The following ZNF385B variants were observed in gnomAD, a reference collection of about 807,000 sequenced individuals.
ZNF385B encodes the protein zinc finger protein 385B.
Under a neutral mutation model 39.2 loss-of-function variants are expected in ZNF385B, and 23 were observed. The observed-to-expected ratio is 0.59, with a 90% confidence interval of 0.42 to 0.83. The LOEUF (loss-of-function observed/expected upper bound fraction) is 0.83, where lower values mean the gene tolerates loss of function less well. Ranked by LOEUF, ZNF385B falls within the 40% of genes least tolerant of loss-of-function variation. ZNF385B has a pLI of 0.00. For synonymous variants in ZNF385B, 205 were observed against 222.6 expected (o/e 0.92, Z 0.70); for missense variants, 552 against 598.9 (o/e 0.92, Z 0.82).
At chr2:179,664,525 T>C (rs1174139304) in intron 3 of ZNF385B, among the ~76,000 whole-genome samples, 1 of 152,014 alleles carries the variant, frequency 6.6e-6, no homozygotes, top group African/African-American at 2.4e-5. Context: ...AGTCTGAAAA[T>C]CCAGAAGAGA....
chr2:179,722,250 A>C (rs1208893604), intron 3 of ZNF385B, among the ~76,000 whole-genome samples: 3 of 152,126 alleles, frequency 2.0e-5, no homozygotes, highest in Non-Finnish European at 4.4e-5. Context: ...AGATAAAAAG[A>C]CTCAACATTT....
At position 179,495,728 on chromosome 2, in the gene ZNF385B, T is replaced by C. The variant is rs1015784361; in HGVS notation, c.553-12294A>G. 3.3e-5 allele frequency among the ~76,000 whole-genome samples: 5 copies of C among 152,146 alleles called. No homozygotes were observed. In the South Asian group the frequency reaches 1.0e-3, roughly 32 times the overall value. Reference sequence around the variant, plus strand: ...TCTCTGCTTGGTAATCCAGAGAATCTTCCCAGATCCTGTCCAAGACCATCA... The same window carrying C: ...TCTCTGCTTGGTAATCCAGAGAATCCTCCCAGATCCTGTCCAAGACCATCA... On this transcript the variant is annotated intron_variant, in intron 5 of 9. Coordinates refer to ENST00000410066, the MANE Select transcript of ZNF385B (RefSeq NM_152520.6).
chr2:179,496,442 C>T (rs889916011), intron 5 of ZNF385B, among the ~76,000 whole-genome samples: 1 of 152,096 alleles, frequency 6.6e-6, no homozygotes, highest in Admixed American at 6.5e-5. Flanking sequence ...GACATAATAG[C>T]AGAGAACTTC....
intron 1 of ZNF385B, among the ~76,000 whole-genome samples, chr2:179,815,003 TCATTC>T (rs1413963750): frequency 6.6e-6 from 1 of 152,258 alleles, no homozygotes; most frequent in Non-Finnish European, 1.5e-5. Flanking sequence ...TCTTCATTCT[TCATTC>T]CCTTATTTCT....
chr2:179,764,733 T>C (rs1703592372), intron 3 of ZNF385B, among the ~76,000 whole-genome samples: 1 of 152,230 alleles, frequency 6.6e-6, no homozygotes, highest in African/African-American at 2.4e-5. Flanking sequence ...CATCAGATGA[T>C]TATATTTTGT....
At chr2:179,667,884 C>CACT (rs910618026) in intron 3 of ZNF385B, among the ~76,000 whole-genome samples, 14 of 152,286 alleles carry the variant, frequency 9.2e-5, no homozygotes, top group Admixed American at 9.2e-4. Context: ...CAGCTACAAT[C>CACT]ACTGACCTTA....
chr2:179,716,115 T>C, intron 3 of ZNF385B, among the ~76,000 whole-genome samples: 1 of 152,204 alleles, frequency 6.6e-6, no homozygotes, highest in East Asian at 1.9e-4. Context: ...TTCTTGCTTT[T>C]GAGGAGTTGC....
chr2:179,493,493 G>GTGTGTACATATATGCGTATACATA (rs1553571606), intron 5 of ZNF385B, among the ~76,000 whole-genome samples: 37,007 of 149,062 alleles, frequency 0.25, 5,084 homozygotes, highest in East Asian at 0.37. Flanking sequence ...ATGTATAAAC[G>GTGTGTACATATATGCGTATACATA]TGTGTGTACA....
chr2:179,548,568 A>G (rs1220322737), intron 3 of ZNF385B, among the ~76,000 whole-genome samples: 1 of 149,466 alleles, frequency 6.7e-6, no homozygotes, highest in Non-Finnish European at 1.5e-5. Context: ...AATACCTGAG[A>G]CTGTGTAATT....
intron 3 of ZNF385B, among the ~76,000 whole-genome samples, chr2:179,623,163 A>G (rs1690361156): frequency 6.6e-6 from 1 of 152,188 alleles, no homozygotes; most frequent in Admixed American, 6.5e-5. Flanking sequence ...ACAGAAAATC[A>G]AGATTCACTG....
intron 3 of ZNF385B, among the ~76,000 whole-genome samples, chr2:179,628,849 C>T (rs1476266772): frequency 5.3e-5 from 8 of 152,098 alleles, no homozygotes; most frequent in Non-Finnish European, 7.4e-5. Context: ...TGTACAGGAA[C>T]GACAGCATAA....
rs72957957 is a variant in ZNF385B at position 179,565,872 on chromosome 2, C to G, written c.299-20903G>C. On this transcript the variant is annotated intron_variant, in intron 3 of 9. Transcript: ENST00000410066. ...CACATCTCCATTACAGTACTTAAGA[C>G]TGTTGATAACCTGCAATGCATTTTA... 2.2e-3 allele frequency among the ~76,000 whole-genome samples: 334 copies of G among 152,334 alleles called. 1 individual carries two copies. Among genetic ancestry groups the G allele is most frequent in the Non-Finnish European group, 3.9e-3 (262 of 68,038 alleles).
chr2:179,497,275 G>C lies in ZNF385B; in HGVS notation c.553-13841C>G, dbSNP rs556175325. Among the ~76,000 whole-genome samples the C allele has an allele frequency of 2.0e-5, 3 of 152,210 alleles. No homozygotes were observed. In the South Asian group the frequency reaches 6.2e-4, roughly 32 times the overall value. Reference sequence around the variant, plus strand: ...AGAATAAGATAACACTGTAACTGTGGTATGTAAACTACTCTTAGCCTAAGT... The same window carrying C: ...AGAATAAGATAACACTGTAACTGTGCTATGTAAACTACTCTTAGCCTAAGT... On this transcript the variant is annotated intron_variant, in intron 5 of 9. Transcript: ENST00000410066.
intron 3 of ZNF385B, among the ~76,000 whole-genome samples, chr2:179,692,640 A>G (rs1052615032): frequency 2.0e-5 from 3 of 152,222 alleles, no homozygotes; most frequent in Non-Finnish European, 4.4e-5. Flanking sequence ...TATTTCACTC[A>G]GAAGCTGGTT....
At chr2:179,710,198 C>T (rs565258831) in intron 3 of ZNF385B, among the ~76,000 whole-genome samples, 2 of 152,232 alleles carry the variant, frequency 1.3e-5, no homozygotes, top group East Asian at 1.9e-4. Context: ...TCTCATCACC[C>T]CAGCGCTTAC....
At chr2:179,628,968 A>G (rs1282006036) in intron 3 of ZNF385B, among the ~76,000 whole-genome samples, 1 of 152,216 alleles carries the variant, frequency 6.6e-6, no homozygotes, top group Non-Finnish European at 1.5e-5. Flanking sequence ...TGCTATCATT[A>G]TGCACTAACA....
intron 1 of ZNF385B, among the ~76,000 whole-genome samples, chr2:179,825,548 G>A (rs1462900146): frequency 1.3e-5 from 2 of 152,056 alleles, no homozygotes; most frequent in Non-Finnish European, 2.9e-5. Context: ...CAGTTTAAAG[G>A]CAAGATTTAA....
At chr2:179,642,213 C>T (rs745961964) in intron 3 of ZNF385B, among the ~76,000 whole-genome samples, 3 of 152,120 alleles carry the variant, frequency 2.0e-5, no homozygotes, top group African/African-American at 4.8e-5. Flanking sequence ...TTGGTCTTGT[C>T]TTCTACCTTC....
intron 5 of ZNF385B, among the ~76,000 whole-genome samples, chr2:179,502,979 A>T (rs569476369): frequency 6.6e-6 from 1 of 152,070 alleles, no homozygotes; most frequent in South Asian, 2.1e-4. Context: ...GGTCAAAGCA[A>T]TCTCCCCACC....
Sources: gnomAD v4.1 joint callset for allele counts (sites outside exome capture counted in the v4.1 genomes callset) on GRCh38, gnomAD v4.1.1 for gene constraint, MANE v1.5 for transcripts, NCBI Gene and HGNC (gene_info 2026-07-23, HGNC 2026-07-21) for gene names.